MARCHF1: variants seen among roughly 807,000 people sequenced by gnomAD.
MARCHF1 encodes the protein E3 ubiquitin-protein ligase MARCHF1.
Under a neutral mutation model 54.2 loss-of-function variants are expected in MARCHF1, and 40 were observed. The observed-to-expected ratio is 0.74, with a 90% confidence interval of 0.57 to 0.96. MARCHF1 has a LOEUF of 0.96. MARCHF1 is among the 40% of genes least tolerant of loss of function. The pLI, the probability that MARCHF1 is intolerant of heterozygous loss-of-function variation, is 0.00. For missense variants in MARCHF1, 586 were observed against 656.5 expected (o/e 0.89, Z 1.17); for synonymous variants, 236 against 236.3 (o/e 1.00, Z 0.01).
chr4:164,038,749 T>A (rs1179177719), intron 2 of MARCHF1, among the ~76,000 whole-genome samples: 1 of 152,308 alleles, frequency 6.6e-6, no homozygotes, highest in East Asian at 1.9e-4. Context: ...CCATCCTACG[T>A]CTAGAAAACT....
chr4:163,820,213 C>T (rs568127286), intron 4 of MARCHF1, among the ~76,000 whole-genome samples: 1 of 152,178 alleles, frequency 6.6e-6, no homozygotes, highest in East Asian at 1.9e-4. Flanking sequence ...GAATCCAATA[C>T]ATATTTTTTA....
intron 2 of MARCHF1, among the ~76,000 whole-genome samples, chr4:164,060,513 C>T (rs976393058): frequency 5.3e-5 from 8 of 151,946 alleles, no homozygotes; most frequent in Non-Finnish European, 1.0e-4. Flanking sequence ...TGTAGTGAAA[C>T]GTGATGAAGT....
At chr4:163,696,849 G>A (rs556710783) in intron 5 of MARCHF1, among the ~76,000 whole-genome samples, 8 of 152,148 alleles carry the variant, frequency 5.3e-5, no homozygotes, top group South Asian at 2.1e-4. Context: ...ATGGCTCTCC[G>A]AATTCCCATA....
Position 163,859,660 on chromosome 4 carries a change from C to CG in MARCHF1, c.-38-5492dup, listed in dbSNP as rs566865350. On this transcript the variant is annotated intron_variant, in intron 3 of 9. Coordinates refer to ENST00000514618, the MANE Select transcript of MARCHF1 (RefSeq NM_001394959.1). ...ATAGGCATAAGCCACTGTGCCCGGG[C>CG]GAGAAAAGCTTTTTGAAAAGAGAGT... Among the ~76,000 whole-genome samples the CG allele has an allele frequency of 8.5e-5, 13 of 152,120 alleles. No homozygotes were observed. The South Asian group carries it at 2.7e-3, about 32-fold the overall frequency.
intron 9 of MARCHF1, 85 bp from the exon 10 acceptor site, chr4:163,529,131 C>G: frequency 1.1e-6 from 1 of 924,894 alleles, no homozygotes; most frequent in South Asian, 1.7e-5. Context: ...CCTTCAAAAG[C>G]CCGTGCTTGC....
chr4:163,572,702 C>CTGTT (rs1332741332), intron 8 of MARCHF1, among the ~76,000 whole-genome samples: 1 of 152,012 alleles, frequency 6.6e-6, no homozygotes, highest in Non-Finnish European at 1.5e-5. Flanking sequence ...ATAGGTAAAC[C>CTGTT]TGTTTTTACT....
chr4:164,261,111 A>ACT (rs1733449312), intron 1 of MARCHF1, among the ~76,000 whole-genome samples: 1 of 152,124 alleles, frequency 6.6e-6, no homozygotes, highest in African/African-American at 2.4e-5. Context: ...AAGCCAAGGA[A>ACT]CTACTGGAAG....
At chr4:164,320,569 C>A (rs1181983935) in intron 1 of MARCHF1, among the ~76,000 whole-genome samples, 1 of 152,106 alleles carries the variant, frequency 6.6e-6, no homozygotes, top group Non-Finnish European at 1.5e-5. Flanking sequence ...TTTTACCACA[C>A]CTACGAATGT....
intron 4 of MARCHF1, among the ~76,000 whole-genome samples, chr4:163,764,270 T>A (rs1746911963): frequency 6.6e-6 from 1 of 152,078 alleles, no homozygotes; most frequent in Admixed American, 6.6e-5. Context: ...ACCTCAACAC[T>A]TCTTTTGTGG....
At chr4:164,230,951 G>A (rs1324802934) in intron 1 of MARCHF1, among the ~76,000 whole-genome samples, 1 of 152,194 alleles carries the variant, frequency 6.6e-6, no homozygotes, top group East Asian at 1.9e-4. Flanking sequence ...AAGCATTGCT[G>A]CCTAGAAATT....
chr4:164,062,009 A>C (rs1166719590), intron 2 of MARCHF1, among the ~76,000 whole-genome samples: 5 of 152,214 alleles, frequency 3.3e-5, no homozygotes, highest in African/African-American at 1.2e-4. Context: ...TTTTACCCAC[A>C]GAAGTTCTTT....
At chr4:164,350,374 G>A (rs1480769289) in intron 1 of MARCHF1, among the ~76,000 whole-genome samples, 1 of 152,136 alleles carries the variant, frequency 6.6e-6, no homozygotes, top group East Asian at 1.9e-4. Flanking sequence ...GGAGGATAGG[G>A]AGAGGTTTGT....
intron 2 of MARCHF1, among the ~76,000 whole-genome samples, chr4:164,032,435 A>T (rs1359151169): frequency 6.6e-6 from 1 of 152,168 alleles, no homozygotes; most frequent in African/African-American, 2.4e-5. Context: ...TAGGGTGTCA[A>T]TGTGAAATCT....
At chr4:164,086,261 A>G (rs896120334) in intron 2 of MARCHF1, among the ~76,000 whole-genome samples, 3 of 151,882 alleles carry the variant, frequency 2.0e-5, no homozygotes, top group Non-Finnish European at 3.0e-5. Flanking sequence ...AAACTCTATA[A>G]ATACTGGCTA....
chr4:164,168,362 C>G (rs1007542270), intron 1 of MARCHF1, among the ~76,000 whole-genome samples: 1 of 151,944 alleles, frequency 6.6e-6, no homozygotes, highest in South Asian at 2.1e-4. Context: ...AAAAACAGAG[C>G]TACCATACAA....
intron 5 of MARCHF1, among the ~76,000 whole-genome samples, chr4:163,694,377 A>C (rs1480447410): frequency 6.6e-6 from 1 of 152,172 alleles, no homozygotes; most frequent in Non-Finnish European, 1.5e-5. Context: ...ACCTGCATGT[A>C]AAGAGAATCA....
chr4:163,644,754 C>T (rs1742689254), intron 5 of MARCHF1, among the ~76,000 whole-genome samples: 1 of 152,186 alleles, frequency 6.6e-6, no homozygotes, highest in Non-Finnish European at 1.5e-5. Flanking sequence ...CAGTTCTGTC[C>T]ATGAACGGAC....
intron 7 of MARCHF1, among the ~76,000 whole-genome samples, chr4:163,600,043 G>A (rs1289218230): frequency 2.0e-5 from 3 of 152,130 alleles, no homozygotes; most frequent in Admixed American, 2.0e-4. Flanking sequence ...TGTACCAGTT[G>A]CTAGCCCCCA....
In MARCHF1 at chr4:164,024,797, G is replaced by T. The variant is rs75104576; in HGVS notation, c.-247-36088C>A. On this transcript the variant is annotated intron_variant, in intron 2 of 9. Transcript: ENST00000514618. ...CATTTAAAAGACAGAGTCACATACT[G>T]GATAAATAGGCAAGACCCACCCATC... 2.4e-3 allele frequency among the ~76,000 whole-genome samples: 369 copies of T among 152,074 alleles called. 7 individuals carry two copies. Among genetic ancestry groups the T allele is most frequent in the East Asian group, 0.017 (86 of 5,154 alleles).
Sources: gnomAD v4.1 joint callset for allele counts (sites outside exome capture counted in the v4.1 genomes callset) on GRCh38, gnomAD v4.1.1 for gene constraint, MANE v1.5 for transcripts, NCBI Gene and HGNC (gene_info 2026-07-23, HGNC 2026-07-21) for gene names.